MACROD2: variants seen among roughly 807,000 people sequenced by gnomAD.
MACROD2 encodes the protein mono-ADP ribosylhydrolase 2.
A neutral mutation model predicts 70.4 loss-of-function variants in MACROD2; 36 were observed. That is an observed-to-expected ratio of 0.51 (90% CI 0.39 to 0.68). MACROD2 has a LOEUF of 0.68. Ranked by LOEUF, MACROD2 falls within the 30% of genes least tolerant of loss-of-function variation. MACROD2 has a pLI of 0.00. For missense variants in MACROD2, 496 were observed against 538.4 expected, an observed-to-expected ratio of 0.92 and a Z score of 0.78; for synonymous variants, 172 against 178.8, an observed-to-expected ratio of 0.96 and a Z score of 0.30.
intron 3 of MACROD2, among the ~76,000 whole-genome samples, chr20:14,187,763 G>A (rs2081356715): frequency 6.6e-6 from 1 of 152,144 alleles, no homozygotes; most frequent in African/African-American, 2.4e-5. Context: ...TGTACTACTG[G>A]TTCCTTATTT....
At chr20:14,031,978 G>T (rs998933633) in intron 2 of MACROD2, among the ~76,000 whole-genome samples, 2 of 151,990 alleles carry the variant, frequency 1.3e-5, no homozygotes, top group South Asian at 4.1e-4. Context: ...AGACAGTCTG[G>T]CATTAAGATC....
chr20:14,091,810 T>A (rs965009832), intron 3 of MACROD2, among the ~76,000 whole-genome samples: 2 of 152,202 alleles, frequency 1.3e-5, no homozygotes, highest in African/African-American at 2.4e-5. Context: ...ATTGTATGGA[T>A]GTACCAGAGT....
chr20:15,168,448 T>A (rs1403050419), intron 5 of MACROD2, among the ~76,000 whole-genome samples: 1 of 77,868 alleles, frequency 1.3e-5, no homozygotes, highest in Non-Finnish European at 3.2e-5. Context: ...GGGATGTGTG[T>A]GTGTGTGTGT....
At chr20:14,388,846 C>G (rs1211746253) in intron 3 of MACROD2, among the ~76,000 whole-genome samples, 1 of 152,096 alleles carries the variant, frequency 6.6e-6, no homozygotes, top group Non-Finnish European at 1.5e-5. Flanking sequence ...GTGAAAAATA[C>G]ATGAGAACTG....
chr20:15,602,737 C>A (rs2048839304), intron 8 of MACROD2, among the ~76,000 whole-genome samples: 1 of 152,056 alleles, frequency 6.6e-6, no homozygotes, highest in African/African-American at 2.4e-5. Context: ...AATAAAAATG[C>A]CTGTGTAATG....
At chr20:14,481,674 T>G (rs1025164118) in intron 3 of MACROD2, among the ~76,000 whole-genome samples, 1 of 152,168 alleles carries the variant, frequency 6.6e-6, no homozygotes, top group African/African-American at 2.4e-5. Context: ...AGATATAGTC[T>G]AGCATACTAA....
At chr20:15,324,490 G>A (rs1413800749) in intron 6 of MACROD2, among the ~76,000 whole-genome samples, 2 of 152,092 alleles carry the variant, frequency 1.3e-5, no homozygotes, top group Non-Finnish European at 2.9e-5. Flanking sequence ...TTCTCTATAT[G>A]TATCATGATT....
chr20:15,340,826 T>G (rs943469844), intron 6 of MACROD2, among the ~76,000 whole-genome samples: 1 of 152,156 alleles, frequency 6.6e-6, no homozygotes, highest in Non-Finnish European at 1.5e-5. Flanking sequence ...TCACATGGTC[T>G]TTCTTCAAAA....
intron 4 of MACROD2, among the ~76,000 whole-genome samples, chr20:14,495,988 T>C (rs1355624433): frequency 6.6e-6 from 1 of 152,316 alleles, no homozygotes; most frequent in East Asian, 1.9e-4. Flanking sequence ...AAGATTGCTC[T>C]AAAACACGTG....
chr20:14,905,126 C>A (rs920740813), intron 5 of MACROD2: 4 of 151,926 alleles, frequency 2.6e-5, no homozygotes, highest in Admixed American at 6.6e-5. Context: ...GACATTTACA[C>A]AAGAGAAATA....
chr20:16,035,258 G>A (rs1340029859), intron 15 of MACROD2, among the ~76,000 whole-genome samples: 1 of 148,372 alleles, frequency 6.7e-6, no homozygotes, highest in African/African-American at 2.5e-5. Flanking sequence ...ATTGACTGAT[G>A]AGCCTTTGGG....
intron 5 of MACROD2, among the ~76,000 whole-genome samples, chr20:15,191,929 T>TAGAAAGAG (rs71950480): frequency 2.3e-5 from 2 of 86,446 alleles, no homozygotes; most frequent in Non-Finnish European, 4.7e-5. Flanking sequence ...TATATATATA[T>TAGAAAGAG]ATAGAGAGAG....
intron 6 of MACROD2, among the ~76,000 whole-genome samples, chr20:15,302,896 G>C (rs751287203): frequency 1.3e-5 from 2 of 152,094 alleles, no homozygotes; most frequent in African/African-American, 2.4e-5. Flanking sequence ...TTTGGATGTT[G>C]TGTTCTGTGA....
chr20:14,526,143 G>C (rs1191575583), intron 4 of MACROD2, among the ~76,000 whole-genome samples: 1 of 152,172 alleles, frequency 6.6e-6, no homozygotes, highest in Non-Finnish European at 1.5e-5. Context: ...TGATGACTCT[G>C]ACATCAGTAT....
chr20:14,491,986 C>G (rs528706199), intron 3 of MACROD2, among the ~76,000 whole-genome samples: 1 of 152,192 alleles, frequency 6.6e-6, no homozygotes, highest in East Asian at 1.9e-4. Context: ...TTTGGTTTAG[C>G]CTACAGACAT....
intron 5 of MACROD2, among the ~76,000 whole-genome samples, chr20:15,014,227 A>G (rs527727183): frequency 6.6e-6 from 1 of 152,330 alleles, no homozygotes; most frequent in East Asian, 1.9e-4. Flanking sequence ...TTATAATGGT[A>G]TAACTCTTAC....
At chr20:15,344,079 A>G (rs1231179387) in intron 6 of MACROD2, among the ~76,000 whole-genome samples, 3 of 152,212 alleles carry the variant, frequency 2.0e-5, no homozygotes, top group Admixed American at 2.0e-4. Context: ...CAAAAGAGAT[A>G]CTTGTAGACT....
chr20:15,145,886 A>G (rs1420341428), intron 5 of MACROD2, among the ~76,000 whole-genome samples: 1 of 152,156 alleles, frequency 6.6e-6, no homozygotes, highest in Non-Finnish European at 1.5e-5. Flanking sequence ...CATTGATATG[A>G]AAGTGGTGAC....
chr20:15,249,101 G>A lies in MACROD2; in HGVS notation c.540+19040G>A, dbSNP rs574148894. On this transcript the variant is annotated intron_variant, in intron 6 of 17. Coordinates refer to ENST00000684519, the MANE Select transcript of MACROD2 (RefSeq NM_001351661.2). ...GTGGAAGCTGCTTCAGAATTGCCCC[G>A]CCAAAGGACAAGGACGCTGAGGTAT... Among the ~76,000 whole-genome samples, 22 of 152,274 alleles carry A rather than the reference G, an allele frequency of 1.4e-4. 2 individuals are homozygous for A. The highest frequency in any genetic ancestry group is 3.4e-3 in the Middle Eastern group (1 of 294).
Sources: allele counts gnomAD v4.1 joint callset (sites outside exome capture counted in the v4.1 genomes callset), GRCh38; gene constraint gnomAD v4.1.1; transcripts MANE v1.5; gene names NCBI Gene and HGNC (gene_info 2026-07-23, HGNC 2026-07-21).